Variants in CCT3 observed in about 807,000 individuals in gnomAD.
CCT3 encodes the protein T-complex protein 1 subunit gamma.
In CCT3, 10 loss-of-function variants were observed where a neutral mutation model predicts 65.3. The observed-to-expected ratio is 0.15, with a 90% CI of 0.09 to 0.26. The LOEUF (loss-of-function observed/expected upper bound fraction) is 0.26, where lower values mean the gene tolerates loss of function less well. Among genes scored for constraint, CCT3 ranks in the 10% least tolerant of loss-of-function variants. The probability of loss-of-function intolerance (pLI) is 1.00; values close to 1 mark genes in which losing one functional copy is unlikely to be tolerated. For missense variants in CCT3, 626 were observed against 708.7 expected, an observed-to-expected ratio of 0.88 and a Z score of 1.33; for synonymous variants, 225 against 242.3, an observed-to-expected ratio of 0.93 and a Z score of 0.66.
At chr1:156,312,679 C>T (rs968852251) in intron 10 of CCT3, among the ~76,000 whole-genome samples, 8 of 151,638 alleles carry the variant, frequency 5.3e-5, no homozygotes, top group Non-Finnish European at 1.0e-4. Context: ...ACACAAAAAC[C>T]CCAAAAAACA....
intron 7 of CCT3, among the ~76,000 whole-genome samples, 167 bp from the exon 8 acceptor site, chr1:156,319,184 C>T (rs1450941235): frequency 6.6e-6 from 1 of 150,428 alleles, no homozygotes; most frequent in African/African-American, 2.4e-5. Flanking sequence ...GCAATCTCGG[C>T]TCACTGCAAG....
intron 5 of CCT3, 108 bp downstream of exon 5, chr1:156,333,439 C>T: frequency 1.3e-6 from 1 of 784,208 alleles, no homozygotes; most frequent in Non-Finnish European, 2.2e-6. Flanking sequence ...AACCAATAAG[C>T]TATTTAAATA....
At chr1:156,332,295 A>C (rs1665136007) in intron 5 of CCT3, among the ~76,000 whole-genome samples, 1 of 152,218 alleles carries the variant, frequency 6.6e-6, no homozygotes, top group Non-Finnish European at 1.5e-5. Flanking sequence ...TACAGGTGTC[A>C]GCCACCACAC....
At position 156,333,618 on chromosome 1, in the gene CCT3, T is replaced by G. The variant is rs773737649; in HGVS notation, c.233A>C (p.Lys78Thr). ...GGTCCGGCTAATTTCGATCATGGAC[T>G]TGGCCGCTGGATGCTGGACTTGAAT... ...REIQVQHPAA[K>T]SMIEISRTQD... The change falls in exon 5 of 14, where the codon AAG becomes ACG. Residue 78 changes from lysine to threonine, a missense_variant. Transcript: ENST00000295688. 6.2e-7 allele frequency: 1 copy of G among 1,613,968 alleles called. No homozygotes were observed. The highest frequency in any genetic ancestry group is 1.3e-5 in the African/African-American group (1 of 74,942).
At chr1:156,316,067 C>T (rs572326012) in intron 10 of CCT3, among the ~76,000 whole-genome samples, 9 of 150,210 alleles carry the variant, frequency 6.0e-5, no homozygotes, top group Non-Finnish European at 8.9e-5. Context: ...CCGCAGGTCC[C>T]GCATCCAGAT....
chr1:156,314,530 C>T (rs1664228555), intron 10 of CCT3, among the ~76,000 whole-genome samples: 1 of 151,472 alleles, frequency 6.6e-6, no homozygotes, highest in African/African-American at 2.4e-5. Flanking sequence ...GCCTGACCAA[C>T]ATGGAGAAAC....
chr1:156,328,110 G>A (rs1223213911), intron 5 of CCT3, among the ~76,000 whole-genome samples: 23 of 140,746 alleles, frequency 1.6e-4, no homozygotes, highest in African/African-American at 4.4e-4. Context: ...CGCCCCGTCC[G>A]GGAGGTGAGG....
At position 156,313,380 on chromosome 1, in the gene CCT3, G is replaced by GA. The variant is rs2101632102; in HGVS notation, c.975-1160dup. On this transcript the variant is annotated intron_variant, in intron 10 of 13. Coordinates refer to ENST00000295688, the MANE Select transcript of CCT3 (RefSeq NM_005998.5). ...AAAAAAAAAGAGAGAGAGAGAGAGAGAGAAATCATTGAGGAGAAATGGTAT... is the reference window on the plus strand; with the variant it reads ...AAAAAAAAAGAGAGAGAGAGAGAGAGAAGAAATCATTGAGGAGAAATGGTAT... Among the ~76,000 whole-genome samples, 5 of 146,934 alleles carry GA rather than the reference G, an allele frequency of 3.4e-5. No individual in the cohort carries two copies. The South Asian group carries it at 1.1e-3, about 32-fold the overall frequency.
chr1:156,334,390 T>C (rs1365560715), intron 4 of CCT3, among the ~76,000 whole-genome samples: 1 of 152,162 alleles, frequency 6.6e-6, no homozygotes, highest in Non-Finnish European at 1.5e-5. Flanking sequence ...ACCGGTGTCC[T>C]TGTGTAAGAG....
intron 5 of CCT3, among the ~76,000 whole-genome samples, chr1:156,327,252 T>C (rs986907618): frequency 2.0e-5 from 3 of 152,152 alleles, no homozygotes; most frequent in Non-Finnish European, 4.4e-5. Flanking sequence ...CTTTTAAAAA[T>C]GTACATAGCC....
chr1:156,318,781 T>C lies in CCT3; in HGVS notation c.759+87A>G. 2.3e-6 allele frequency: 3 copies of C among 1,292,368 alleles called. 1 individual carries two copies. Among genetic ancestry groups the C allele is most frequent in the Non-Finnish European group, 3.3e-6 (3 of 916,508 alleles). 80.1% of individuals were successfully genotyped at this position (1,292,368 alleles called of 1,614,324 possible). ...GTGTACACTATGCACCCAGAAGGCA[T>C]GCAATAAACATACGTTTTATTTCTG... is the stretch of plus-strand genomic sequence containing the variant. On this transcript the variant is annotated intron_variant, in intron 8 of 13. Coordinates refer to ENST00000295688, the MANE Select transcript of CCT3 (RefSeq NM_005998.5).
At chr1:156,316,208 A>G (rs564802462) in intron 10 of CCT3, among the ~76,000 whole-genome samples, 15 of 152,202 alleles carry the variant, frequency 9.9e-5, no homozygotes, top group Non-Finnish European at 1.8e-4. Flanking sequence ...CATTTATGCT[A>G]TATTAGGCAT....
chr1:156,330,739 T>C (rs1464058649), intron 5 of CCT3, among the ~76,000 whole-genome samples: 2 of 151,830 alleles, frequency 1.3e-5, no homozygotes, highest in South Asian at 2.1e-4. Context: ...CTGGCCAACA[T>C]GGTGAAACCC....
chr1:156,338,228 G>A lies in CCT3; in HGVS notation c.-44C>T, dbSNP rs1301131024. On this transcript the variant is annotated 5_prime_UTR_variant, in exon 1 of 14. Coordinates refer to ENST00000295688, the MANE Select transcript of CCT3 (RefSeq NM_005998.5). ...CGGGTACCCAGAGCTGGGGGAACCGGCAGAACCTTCTGGAGAGAGAGAACC... is the reference window on the plus strand; with the variant it reads ...CGGGTACCCAGAGCTGGGGGAACCGACAGAACCTTCTGGAGAGAGAGAACC... 2.6e-6 allele frequency: 4 copies of A among 1,563,868 alleles called. No homozygotes were observed. The highest frequency in any genetic ancestry group is 2.7e-5 in the African/African-American group (2 of 74,282).
intron 1 of CCT3, chr1:156,336,152 G>A (rs929382683): frequency 4.8e-5 from 18 of 377,586 alleles, no homozygotes; most frequent in Non-Finnish European, 7.0e-5. Context: ...TGGAATCTTG[G>A]TTAATACTTT....
intron 8 of CCT3, 39 bp from the exon 9 acceptor site, chr1:156,317,586 G>A (rs1664360927): frequency 6.3e-7 from 1 of 1,587,970 alleles, no homozygotes; most frequent in African/African-American, 1.3e-5. Flanking sequence ...TAAAATCCCT[G>A]GACTGGTGAA....
chr1:156,313,981 G>C (rs1269665162), intron 10 of CCT3, among the ~76,000 whole-genome samples: 1 of 151,752 alleles, frequency 6.6e-6, no homozygotes, highest in Non-Finnish European at 1.5e-5. Context: ...CCAGCTACTC[G>C]GGAGGCTGAG....
chr1:156,309,498 T>C, intron 13 of CCT3, among the ~76,000 whole-genome samples, 195 bp from the exon 14 acceptor site: 1 of 151,852 alleles, frequency 6.6e-6, no homozygotes, highest in Non-Finnish European at 1.5e-5. Context: ...ATGATGTCGG[T>C]TCACTGCAAC....
At chr1:156,329,177 T>C (rs1054343627) in intron 5 of CCT3, among the ~76,000 whole-genome samples, 1 of 152,166 alleles carries the variant, frequency 6.6e-6, no homozygotes. Context: ...CTAGAAGCAA[T>C]AGGCTATACC....
Sources: gnomAD v4.1 joint callset for allele counts (sites outside exome capture counted in the v4.1 genomes callset) on GRCh38, gnomAD v4.1.1 for gene constraint, MANE v1.5 for transcripts, NCBI Gene and HGNC (gene_info 2026-07-23, HGNC 2026-07-21) for gene names.